The following ZNF236 variants were observed in gnomAD, a reference collection of about 807,000 sequenced individuals.
ZNF236 encodes regulated by glucose.
A neutral mutation model predicts 191.2 loss-of-function variants in ZNF236; 50 were observed. The observed-to-expected ratio is 0.26, with a 90% CI of 0.21 to 0.33. The LOEUF is 0.33. Among genes scored for constraint, ZNF236 ranks in the 10% least tolerant of loss-of-function variants. The pLI, the probability that ZNF236 is intolerant of heterozygous loss-of-function variation, is 1.00. For synonymous variants in ZNF236, 907 were observed against 928.8 expected, an observed-to-expected ratio of 0.98 and a Z score of 0.43; for missense variants, 1,754 against 2,374.5, an observed-to-expected ratio of 0.74 and a Z score of 5.43.
intron 26 of ZNF236, among the ~76,000 whole-genome samples, chr18:76,945,983 C>A (rs1267891351): frequency 6.6e-6 from 1 of 151,036 alleles, no homozygotes; most frequent in Non-Finnish European, 1.5e-5. Context: ...TATTTTGCCA[C>A]CTGCCACTCT....
chr18:76,827,346 C>T (rs1370486412), intron 1 of ZNF236, among the ~76,000 whole-genome samples: 12 of 151,936 alleles, frequency 7.9e-5, no homozygotes, highest in African/African-American at 2.2e-4. Context: ...CCACCATGCC[C>T]GGCTAATCTT....
intron 9 of ZNF236, among the ~76,000 whole-genome samples, chr18:76,893,205 A>G (rs1977300719): frequency 1.3e-5 from 2 of 152,182 alleles, no homozygotes; most frequent in Admixed American, 6.5e-5. Context: ...TTACTAGTAG[A>G]TATTATAGTC....
rs1968517965 is a variant in ZNF236 at position 76,956,122 on chromosome 18, G to A, written c.5052G>A (p.Arg1684=). Residue 1684 remains arginine, a synonymous_variant, in exon 28 of 31, where the codon CGG becomes CGA. Transcript: ENST00000320610. The stretch of plus-strand genomic sequence containing the variant: ...ACCACAGCAAGGAGGTGCATGGCCG[G>A]GAGCGCATCCACGGCTGCCCCGTGT... ...LMHHSKEVHG[R]ERIHGCPVCR... is the part of the protein sequence containing the mutation. 2 of 1,575,980 alleles carry A rather than the reference G, an allele frequency of 1.3e-6. No individual in the cohort carries two copies. The highest frequency in any genetic ancestry group is 1.7e-6 in the Non-Finnish European group (2 of 1,161,754).
chr18:76,880,307 C>T lies in ZNF236; in HGVS notation c.1179C>T (p.Asp393=). ...QLSITVGINQ[D]ILQQALENSG... is the part of the protein sequence containing the mutation. ...GCATCACAGTGGGCATCAACCAGGA[C>T]ATTTTACAGGTGAAGCACGCTTCCC... Residue 393 remains aspartate (D), a synonymous_variant, in exon 8 of 31, where the codon GAC becomes GAT. Coordinates refer to ENST00000320610, the MANE Select transcript of ZNF236 (RefSeq NM_001306089.2). The surrounding 1 kb of genome is among the most constrained non-coding windows in gnomAD (Gnocchi z 5.0). The T allele has an allele frequency of 2.5e-6, 4 of 1,611,766 alleles. No homozygotes were observed. Among genetic ancestry groups the T allele is most frequent in the South Asian group, 1.1e-5 (1 of 90,954 alleles).
chr18:76,837,441 T>C (rs1405583391), intron 1 of ZNF236, among the ~76,000 whole-genome samples: 5 of 142,542 alleles, frequency 3.5e-5, no homozygotes, highest in South Asian at 2.3e-4. Flanking sequence ...CTTTTTCTTT[T>C]TTTTTTTTTT....
chr18:76,903,887 T>C (rs551845122), intron 11 of ZNF236, among the ~76,000 whole-genome samples: 1 of 150,206 alleles, frequency 6.7e-6, no homozygotes, highest in Middle Eastern at 3.4e-3. Context: ...CAAAAGATCA[T>C]GTTAGAGTCA....
chr18:76,872,591 T>A (rs1238770404), intron 5 of ZNF236, among the ~76,000 whole-genome samples: 1 of 152,276 alleles, frequency 6.6e-6, no homozygotes, highest in Non-Finnish European at 1.5e-5. Flanking sequence ...TATTTCTCCA[T>A]GCCTTATCTT....
At chr18:76,921,059 G>A (rs990894126) in intron 20 of ZNF236, among the ~76,000 whole-genome samples, 2 of 152,218 alleles carry the variant, frequency 1.3e-5, no homozygotes, top group African/African-American at 4.8e-5. Context: ...AAAACCAAAG[G>A]GTGTGTTCCT....
intron 9 of ZNF236, chr18:76,886,850 G>C (rs1472626939): frequency 1.2e-5 from 2 of 170,100 alleles, no homozygotes; most frequent in African/African-American, 4.8e-5. Context: ...GTATCTTAGA[G>C]GAGGTCCCGT....
At chr18:76,896,082 A>G (rs1568217574) in intron 10 of ZNF236, among the ~76,000 whole-genome samples, 1 of 149,292 alleles carries the variant, frequency 6.7e-6, no homozygotes, top group Non-Finnish European at 1.5e-5. Context: ...CACAGTACTA[A>G]ATACAGGTAC....
chr18:76,826,602 C>T (rs1481855575), intron 1 of ZNF236, among the ~76,000 whole-genome samples: 1 of 150,362 alleles, frequency 6.7e-6, no homozygotes, highest in Non-Finnish European at 1.5e-5. Context: ...ACCAGCCTGG[C>T]CCCCATGGTG....
At chr18:76,868,622 C>A in intron 3 of ZNF236, 63 bp from the exon 4 acceptor site, 1 of 1,383,836 alleles carries the variant, frequency 7.2e-7, no homozygotes, top group Non-Finnish European at 9.8e-7. Flanking sequence ...TTGATCATAC[C>A]AGTTCTTTGA....
At position 76,829,775 on chromosome 18, in the gene ZNF236, C is replaced by T. The variant is rs534387815; in HGVS notation, c.55+7113C>T. 2.2e-3 allele frequency among the ~76,000 whole-genome samples: 333 copies of T among 152,378 alleles called. 2 individuals carry two copies. Among genetic ancestry groups the T allele is most frequent in the African/African-American group, 7.8e-3 (324 of 41,586 alleles). On this transcript the variant is annotated intron_variant, in intron 1 of 30. Coordinates refer to ENST00000320610, the MANE Select transcript of ZNF236 (RefSeq NM_001306089.2). ...TGAGGAGCTTCATGAGTTTTCCTGT[C>T]AAGCCAGCATCCAGTGTGTTCGTGC...
Position 76,875,813 on chromosome 18 carries a change from G to A in ZNF236, c.840+149G>A, listed in dbSNP as rs1599355257. On this transcript the variant is annotated intron_variant, in intron 6 of 30. Transcript: ENST00000320610. This position sits in a 1 kb window ranked among gnomAD's most constrained non-coding sequence, Gnocchi z 4.3. The stretch of plus-strand genomic sequence containing the variant: ...AGACCCTGTTTTAAAAAATACATAC[G>A]TGGGAATTTTTTTGGTTTATTACAT... 4.6e-6 allele frequency: 4 copies of A among 866,718 alleles called. No individual in the cohort carries two copies. The highest frequency in any genetic ancestry group is 5.1e-5 in the South Asian group (1 of 19,570). The allele number at this position is 866,718 out of a possible 1,614,324, so 53.7% of individuals were successfully genotyped here. A position where few individuals can be genotyped will look rare whatever the true frequency, so the allele number is the denominator to read the frequency against.
rs1599367775 is a variant in ZNF236 at position 76,889,705 on chromosome 18, A to C, written c.1418-5308A>C. The stretch of plus-strand genomic sequence containing the variant: ...TGTTTAATGAATATATATGTTTTTA[A>C]ATTATTTTTAAATAGGTGAAACATG... On this transcript the variant is annotated intron_variant, in intron 9 of 30. Coordinates refer to ENST00000320610, the MANE Select transcript of ZNF236 (RefSeq NM_001306089.2). 2.0e-5 allele frequency among the ~76,000 whole-genome samples: 3 copies of C among 152,278 alleles called. No individual in the cohort carries two copies. The Middle Eastern group carries it at 0.01, about 518-fold the overall frequency.
intron 1 of ZNF236, among the ~76,000 whole-genome samples, chr18:76,844,100 C>G (rs1050960137): frequency 6.6e-6 from 1 of 151,920 alleles, no homozygotes; most frequent in African/African-American, 2.4e-5. Flanking sequence ...ATTAGCCAGG[C>G]ATGGTGGCAC....
intron 28 of ZNF236, among the ~76,000 whole-genome samples, chr18:76,958,387 C>T (rs538236104): frequency 6.6e-6 from 1 of 152,220 alleles, no homozygotes; most frequent in East Asian, 1.9e-4. Flanking sequence ...GTGGCAGCTG[C>T]GTGCACTGTT....
Position 76,925,598 on chromosome 18 carries a change from C to G in ZNF236, c.4027+44C>G, listed in dbSNP as rs1346956495. The G allele has an allele frequency of 6.3e-7, 1 of 1,583,150 alleles. No homozygotes were observed. Among genetic ancestry groups the G allele is most frequent in the African/African-American group, 1.3e-5 (1 of 74,528 alleles). The stretch of plus-strand genomic sequence containing the variant: ...GAATGAGAGCAGCACAGTGATTGAA[C>G]TGTTCTGTGCTGCTTCTGTCTGTTC... On this transcript the variant is annotated intron_variant, in intron 22 of 30. Coordinates refer to ENST00000320610, the MANE Select transcript of ZNF236 (RefSeq NM_001306089.2). The surrounding 1 kb of genome is among the most constrained non-coding windows in gnomAD (Gnocchi z 5.7).
chr18:76,894,016 G>C (rs1977324158), intron 9 of ZNF236, among the ~76,000 whole-genome samples: 1 of 152,136 alleles, frequency 6.6e-6, no homozygotes, highest in Non-Finnish European at 1.5e-5. Context: ...AAGTGTTCTG[G>C]TGAAATTTCA....
Sources: allele counts gnomAD v4.1 joint callset (sites outside exome capture counted in the v4.1 genomes callset), GRCh38; gene constraint gnomAD v4.1.1; non-coding constraint Gnocchi (gnomAD v3.1); transcripts MANE v1.5; gene names NCBI Gene and HGNC (gene_info 2026-07-23, HGNC 2026-07-21).